ADAM22: variants seen among roughly 807,000 people sequenced by gnomAD.
ADAM22 encodes ADAM metallopeptidase domain 22, also known as disintegrin and metalloproteinase domain-containing protein 22.
In ADAM22, 65 loss-of-function variants were observed where a neutral mutation model predicts 144.6. The ratio of observed to expected loss-of-function variants is 0.45; its 90% CI spans 0.37 to 0.55. ADAM22 has a LOEUF of 0.55. ADAM22 is among the 20% of genes least tolerant of loss of function. The pLI, the probability that ADAM22 is intolerant of heterozygous loss-of-function variation, is 0.00. For missense variants in ADAM22, 974 were observed against 1,184.9 expected, an observed-to-expected ratio of 0.82 and a Z score of 2.61; for synonymous variants, 391 against 412.6, an observed-to-expected ratio of 0.95 and a Z score of 0.63.
intron 2 of ADAM22, among the ~76,000 whole-genome samples, chr7:87,974,920 C>G (rs914088777): frequency 1.3e-5 from 2 of 152,104 alleles, no homozygotes; most frequent in Admixed American, 1.3e-4. Context: ...ACCATCATAC[C>G]TTCTTCTCTG....
At chr7:88,166,892 TA>T (rs1843065822) in intron 24 of ADAM22, among the ~76,000 whole-genome samples, 1 of 152,098 alleles carries the variant, frequency 6.6e-6, no homozygotes, top group Non-Finnish European at 1.5e-5. Flanking sequence ...TGATCCCTGT[TA>T]AGTCCCTGGA....
chr7:88,167,454 G>A (rs191922816), intron 24 of ADAM22, among the ~76,000 whole-genome samples: 2 of 152,172 alleles, frequency 1.3e-5, no homozygotes, highest in South Asian at 2.1e-4. Flanking sequence ...CTTCAATCCC[G>A]CCCTGGATTC....
At chr7:88,083,733 C>G (rs763328621) in intron 4 of ADAM22, among the ~76,000 whole-genome samples, 1 of 151,716 alleles carries the variant, frequency 6.6e-6, no homozygotes. Flanking sequence ...GACTTAAAAT[C>G]TGGTAATTCT....
At position 88,168,216 on chromosome 7, in the gene ADAM22, G is replaced by C. The variant is rs375592711; in HGVS notation, c.2271G>C (p.Ala757=). The C allele has an allele frequency of 1.2e-6, 2 of 1,612,338 alleles. No individual in the cohort carries two copies. Among genetic ancestry groups the C allele is most frequent in the African/African-American group, 2.7e-5 (2 of 74,796 alleles). ...LVLALILGIT[A]WGYKNYREQR... is the part of the protein sequence containing the mutation. ...TGGCCCTCATATTAGGAATAACTGCGTGGGGTTATAAGTAAGTGAAATGTC... is the reference window on the plus strand; with the variant it reads ...TGGCCCTCATATTAGGAATAACTGCCTGGGGTTATAAGTAAGTGAAATGTC... Residue 757 remains alanine (A), a synonymous_variant, in exon 25 of 32, where the codon GCG becomes GCC. Transcript: ENST00000413139.
In ADAM22 at chr7:87,989,695, C is replaced by T. The variant is rs544058267; in HGVS notation, c.323+11283C>T. 7.0e-4 allele frequency among the ~76,000 whole-genome samples: 106 copies of T among 152,308 alleles called. 3 individuals carry two copies. The South Asian group carries it at 0.021, about 30-fold the overall frequency. ...CTTTGGGAGGCCAAAGCGGCCAGATCGCTTGAGGCCAGGAGTTTGAGACCT... is the reference window on the plus strand; with the variant it reads ...CTTTGGGAGGCCAAAGCGGCCAGATTGCTTGAGGCCAGGAGTTTGAGACCT... On this transcript the variant is annotated intron_variant, in intron 3 of 31. Transcript: ENST00000413139.
intron 2 of ADAM22, among the ~76,000 whole-genome samples, chr7:87,937,431 T>C (rs1841501014): frequency 6.6e-6 from 1 of 152,180 alleles, no homozygotes; most frequent in African/African-American, 2.4e-5. Context: ...ACAAAGACTT[T>C]CTAGGAGAGG....
intron 2 of ADAM22, among the ~76,000 whole-genome samples, chr7:87,942,300 T>A (rs983764305): frequency 3.3e-5 from 5 of 152,224 alleles, no homozygotes; most frequent in Admixed American, 6.5e-5. Flanking sequence ...ATGTGCCAAA[T>A]GGTCTTCTGA....
At chr7:88,159,830 T>C (rs995338605) in intron 22 of ADAM22, among the ~76,000 whole-genome samples, 1 of 152,168 alleles carries the variant, frequency 6.6e-6, no homozygotes, top group Non-Finnish European at 1.5e-5. Context: ...AGCATTCTCC[T>C]TGAAAACTTA....
intron 2 of ADAM22, among the ~76,000 whole-genome samples, chr7:87,945,753 TCCAC>T (rs1843552059): frequency 6.6e-6 from 1 of 152,160 alleles, no homozygotes; most frequent in Non-Finnish European, 1.5e-5. Flanking sequence ...GACCTCGTGA[TCCAC>T]CCGCCTCGGC....
At chr7:88,162,642 T>C (rs1226235105) in intron 22 of ADAM22, among the ~76,000 whole-genome samples, 1 of 152,156 alleles carries the variant, frequency 6.6e-6, no homozygotes, top group African/African-American at 2.4e-5. Context: ...TACAATAGTT[T>C]AGTCATTCTC....
chr7:87,972,675 T>A (rs150784320), intron 2 of ADAM22, among the ~76,000 whole-genome samples: 2,998 of 152,260 alleles, frequency 0.02, 68 homozygotes, highest in Middle Eastern at 0.031. Context: ...GCTACCTGAC[T>A]TCACACTATA....
At chr7:88,161,101 TAAAGTA>T (rs1841487980) in intron 22 of ADAM22, among the ~76,000 whole-genome samples, 1 of 150,776 alleles carries the variant, frequency 6.6e-6, no homozygotes, top group Non-Finnish European at 1.5e-5. Context: ...CCCTAGAACT[TAAAGTA>T]TAAGAATAAT....
intron 3 of ADAM22, among the ~76,000 whole-genome samples, chr7:88,052,440 C>A (rs1020422460): frequency 6.6e-6 from 1 of 151,394 alleles, no homozygotes; most frequent in Non-Finnish European, 1.5e-5. Context: ...GCGTAACTTG[C>A]AGTCAGCGGA....
chr7:87,947,286 A>G (rs1268860736), intron 2 of ADAM22, among the ~76,000 whole-genome samples: 4 of 151,438 alleles, frequency 2.6e-5, no homozygotes, highest in African/African-American at 9.7e-5. Flanking sequence ...ATGATCCTGT[A>G]TAGCTGGTTT....
intron 3 of ADAM22, among the ~76,000 whole-genome samples, chr7:88,055,106 G>GATAT (rs57768290): frequency 7.4e-5 from 11 of 149,640 alleles, no homozygotes; most frequent in Admixed American, 4.0e-4. Flanking sequence ...ACAAATATCA[G>GATAT]ATATATATAT....
rs777615021 is a variant in ADAM22, at chr7:88,196,507, T to A, written c.*16T>A. The A allele has an allele frequency of 1.2e-6, 2 of 1,613,806 alleles. No individual in the cohort carries two copies. The highest frequency in any genetic ancestry group is 2.7e-5 in the African/African-American group (2 of 74,944). On this transcript the variant is annotated 3_prime_UTR_variant, in exon 32 of 32. Coordinates refer to ENST00000413139, the MANE Select transcript of ADAM22 (RefSeq NM_001324418.2). ...ATCCATTTAAGATCAACTGTTTACA[T>A]GTGATACATCGAAAACTGTTTACTT... is the stretch of plus-strand genomic sequence containing the variant.
intron 2 of ADAM22, among the ~76,000 whole-genome samples, chr7:87,975,911 C>T (rs1284551352): frequency 7.2e-5 from 11 of 152,128 alleles, no homozygotes; most frequent in Admixed American, 7.2e-4. Flanking sequence ...TCCCAAAACA[C>T]AGTTGTTAGC....
At chr7:87,964,295 A>G (rs1319984502) in intron 2 of ADAM22, among the ~76,000 whole-genome samples, 1 of 152,224 alleles carries the variant, frequency 6.6e-6, no homozygotes, top group Non-Finnish European at 1.5e-5. Context: ...TATAATGGAT[A>G]ATGTGACTTG....
At chr7:87,995,936 C>T (rs1329902315) in intron 3 of ADAM22, among the ~76,000 whole-genome samples, 1 of 152,162 alleles carries the variant, frequency 6.6e-6, no homozygotes, top group Non-Finnish European at 1.5e-5. Flanking sequence ...TTTGTTTGTT[C>T]TAAACATGTT....
Sources: gnomAD v4.1 joint callset for allele counts (sites outside exome capture counted in the v4.1 genomes callset) on GRCh38, gnomAD v4.1.1 for gene constraint, MANE v1.5 for transcripts, NCBI Gene and HGNC (gene_info 2026-07-23, HGNC 2026-07-21) for gene names.